The following NDUFAF6 variants were observed in gnomAD, a reference collection of about 807,000 sequenced individuals.
NDUFAF6 encodes the protein NADH:ubiquinone oxidoreductase complex assembly factor 6.
Under a neutral mutation model 40.8 loss-of-function variants are expected in NDUFAF6, and 45 were observed. The ratio of observed to expected loss-of-function variants is 1.10; its 90% CI spans 0.87 to 1.42. The LOEUF is 1.42. Ranked by LOEUF, NDUFAF6 falls within the 40% of genes most tolerant of loss-of-function variation. The probability of loss-of-function intolerance (pLI) is 0.00; values close to 1 mark genes in which losing one functional copy is unlikely to be tolerated. For synonymous variants in NDUFAF6, 185 were observed against 155.9 expected (o/e 1.19, Z -1.39); for missense variants, 435 against 418.5 (o/e 1.04, Z -0.34).
At chr8:95,077,193 T>A (rs75808624), downstream of NDUFAF6, among the ~76,000 whole-genome samples, 2,822 of 152,270 alleles carry the variant, frequency 0.019, 87 homozygotes, top group African/African-American at 0.064. Context: ...TAAATTTCTG[T>A]TTAGACTACC....
chr8:94,905,538 T>C (rs1818339921), intron 1 of NDUFAF6, among the ~76,000 whole-genome samples: 1 of 152,092 alleles, frequency 6.6e-6, no homozygotes, highest in South Asian at 2.1e-4. Context: ...TTGGGTGGGT[T>C]TCAACAAGCC....
chr8:95,037,582 C>T (rs1049802121), intron 3 of NDUFAF6, among the ~76,000 whole-genome samples: 14 of 152,160 alleles, frequency 9.2e-5, no homozygotes, highest in Admixed American at 6.5e-4. Context: ...GTGCCGAGAA[C>T]ACTTAAGAAC....
chr8:94,933,834 T>TGGGGGGGGG (rs572867137), intron 1 of NDUFAF6, among the ~76,000 whole-genome samples: 1 of 59,022 alleles, frequency 1.7e-5, no homozygotes, highest in African/African-American at 6.2e-5. Flanking sequence ...CAGCACTTTG[T>TGGGGGGGGG]GGGGGGGGGG....
intron 2 of NDUFAF6, among the ~76,000 whole-genome samples, chr8:94,994,265 G>A (rs918053989): frequency 2.0e-5 from 3 of 152,080 alleles, no homozygotes; most frequent in Non-Finnish European, 4.4e-5. Flanking sequence ...TGTTAAAAAT[G>A]ATGGTCTGGG....
chr8:95,020,872 T>G (rs959446945), upstream of NDUFAF6, among the ~76,000 whole-genome samples: 1 of 152,142 alleles, frequency 6.6e-6, no homozygotes, highest in African/African-American at 2.4e-5. Flanking sequence ...CTTTTTTTCT[T>G]GGATGGGGTT....
chr8:95,014,253 G>A (rs1221046297), intron 2 of NDUFAF6, among the ~76,000 whole-genome samples: 1 of 152,242 alleles, frequency 6.6e-6, no homozygotes, highest in Non-Finnish European at 1.5e-5. Context: ...GGCGGGGAGT[G>A]TGAGGAATGT....
chr8:95,109,991 A>G (rs575347108), intron 4 of NDUFAF6, among the ~76,000 whole-genome samples: 1 of 152,262 alleles, frequency 6.6e-6, no homozygotes, highest in South Asian at 2.1e-4. Flanking sequence ...GATCCCCTGG[A>G]TTGTGGTAAA....
At chr8:95,040,644 G>A (rs1449947395) in intron 3 of NDUFAF6, 4 of 152,108 alleles carry the variant, frequency 2.6e-5, no homozygotes, top group Non-Finnish European at 4.4e-5. Flanking sequence ...TATTGGTGTA[G>A]ACTCATGATT....
chr8:94,931,983 GAA>G (rs1462499944), intron 1 of NDUFAF6: 8 of 1,359,234 alleles, frequency 5.9e-6, no homozygotes, highest in African/African-American at 5.8e-5. Flanking sequence ...AAAAAAGAAA[GAA>G]AGTCATTTTT....
chr8:94,912,212 G>A (rs572228082), intron 1 of NDUFAF6, among the ~76,000 whole-genome samples: 11 of 152,248 alleles, frequency 7.2e-5, no homozygotes, highest in African/African-American at 2.2e-4. Flanking sequence ...ACAGACATTA[G>A]GAATTGTTCA....
At chr8:95,081,143 C>CTTTTTTTTT (rs559573385), downstream of NDUFAF6, among the ~76,000 whole-genome samples, 16 of 57,758 alleles carry the variant, frequency 2.8e-4, no homozygotes, top group African/African-American at 8.8e-4. Flanking sequence ...AGTCCTGCAT[C>CTTTTTTTTT]TTTTTTTTTT....
In NDUFAF6 at chr8:95,058,305, C is replaced by T. The variant is rs574565286; in HGVS notation, c.*368C>T. On this transcript the variant is annotated 3_prime_UTR_variant, in exon 9 of 9. Coordinates refer to ENST00000396124, the MANE Select transcript of NDUFAF6 (RefSeq NM_152416.4). ...CTGGGGAAGGAAAGGGGAAAGGGCT[C>T]AAGTTATCATAGGGGCTTACATGCT... 1 of 1,280,760 alleles carries T rather than the reference C, an allele frequency of 7.8e-7. No homozygotes were observed. The highest frequency in any genetic ancestry group is 3.7e-5 in the Admixed American group (1 of 26,992). 79.3% of individuals were successfully genotyped at this position (1,280,760 alleles called of 1,614,324 possible).
intron 1 of NDUFAF6, among the ~76,000 whole-genome samples, chr8:94,914,323 C>T (rs181950410): frequency 5.9e-5 from 9 of 152,270 alleles, no homozygotes; most frequent in African/African-American, 1.9e-4. Flanking sequence ...ATCCATGCCA[C>T]TGCAGGGAAC....
chr8:94,905,887 C>G (rs140075856), intron 1 of NDUFAF6, among the ~76,000 whole-genome samples: 1 of 152,164 alleles, frequency 6.6e-6, no homozygotes, highest in East Asian at 1.9e-4. Flanking sequence ...TTGGGGGTGA[C>G]GCCACACACA....
Position 94,926,124 on chromosome 8 carries a change from GTC to G in NDUFAF6, c.-935-19357_-935-19356del, listed in dbSNP as rs1464652175. 6 of 152,652 alleles carry G rather than the reference GTC, an allele frequency of 3.9e-5. No individual in the cohort carries two copies. In the East Asian group the frequency reaches 9.6e-4, roughly 25 times the overall value. 9.5% of individuals were successfully genotyped at this position (152,652 alleles called of 1,614,324 possible). On this transcript the variant is annotated intron_variant, in intron 1 of 14. Transcript: ENST00000396113. ...TTTTGGCAAAGTGCTGTATTGTTCA[GTC>G]TGTGTACAAAACTGACCATCTATGA...
At chr8:95,085,385 G>A (rs10089123) in intron 2 of NDUFAF6, among the ~76,000 whole-genome samples, 12,153 of 152,120 alleles carry the variant, frequency 0.08, 606 homozygotes, top group Middle Eastern at 0.14. Flanking sequence ...AAAATCCTAC[G>A]TACTATGGTT....
intron 8 of NDUFAF6, among the ~76,000 whole-genome samples, chr8:95,057,193 A>C (rs1421077295): frequency 6.6e-6 from 1 of 152,208 alleles, no homozygotes; most frequent in African/African-American, 2.4e-5. Context: ...TGAAATAAAA[A>C]TTTATAAATT....
chr8:95,058,843 ATTGT>A, downstream of NDUFAF6: 1 of 921,616 alleles, frequency 1.1e-6, no homozygotes, highest in African/African-American at 1.8e-5. Flanking sequence ...AAACTTTTAA[ATTGT>A]TTGAGACCAG....
intron 1 of NDUFAF6, among the ~76,000 whole-genome samples, chr8:95,031,692 T>C (rs1458778636): frequency 6.6e-6 from 1 of 152,168 alleles, no homozygotes; most frequent in African/African-American, 2.4e-5. Flanking sequence ...CTCCACCTCC[T>C]GGGCTTAAAG....
Sources: gnomAD v4.1 joint callset for allele counts (sites outside exome capture counted in the v4.1 genomes callset) on GRCh38, gnomAD v4.1.1 for gene constraint, MANE v1.5 for transcripts, NCBI Gene and HGNC (gene_info 2026-07-23, HGNC 2026-07-21) for gene names.